Variants in N4BP2 observed in about 807,000 individuals in gnomAD.
The protein encoded by N4BP2 is NEDD4 binding protein 2, also known as NEDD4-binding protein 2.
A neutral mutation model predicts 152.8 loss-of-function variants in N4BP2; 91 were observed. That is an observed-to-expected ratio of 0.60 (90% CI 0.50 to 0.71). The LOEUF (loss-of-function observed/expected upper bound fraction) is 0.71, where lower values mean the gene tolerates loss of function less well. Ranked by LOEUF, N4BP2 falls within the 30% of genes least tolerant of loss-of-function variation. The pLI, the probability that N4BP2 is intolerant of heterozygous loss-of-function variation, is 0.00. For missense variants in N4BP2, 1,923 were observed against 2,059.1 expected, an observed-to-expected ratio of 0.93 and a Z score of 1.28; for synonymous variants, 646 against 705.3, an observed-to-expected ratio of 0.92 and a Z score of 1.33.
chr4:40,134,931 T>TTTATTTTATTTTA (rs1719237509), intron 13 of N4BP2, among the ~76,000 whole-genome samples: 4 of 120,080 alleles, frequency 3.3e-5, no homozygotes, highest in East Asian at 5.2e-4. Context: ...CTTTCTTTCT[T>TTTATTTTATTTTA]TTTTATTTTA....
chr4:40,076,368 C>T (rs906860878), intron 2 of N4BP2, among the ~76,000 whole-genome samples: 5 of 151,790 alleles, frequency 3.3e-5, no homozygotes, highest in South Asian at 2.1e-4. Flanking sequence ...CCCAGCTATT[C>T]GGGAGGCTGA....
chr4:40,091,512 C>T (rs555187156), intron 2 of N4BP2, among the ~76,000 whole-genome samples: 7 of 151,330 alleles, frequency 4.6e-5, no homozygotes, highest in East Asian at 3.9e-4. Context: ...AATTCTTTCA[C>T]GCATTAAAAT....
intron 1 of N4BP2, among the ~76,000 whole-genome samples, chr4:40,061,867 G>C (rs965668967): frequency 6.6e-6 from 1 of 151,872 alleles, no homozygotes; most frequent in African/African-American, 2.4e-5. Context: ...TTTTCGCCAT[G>C]TTGGCCAGGG....
the N4BP2 span, among the ~76,000 whole-genome samples, chr4:40,187,357 A>G: frequency 6.6e-6 from 1 of 152,386 alleles, no homozygotes; most frequent in East Asian, 1.9e-4. Flanking sequence ...TTTGTGCAAA[A>G]AAAAATTTAA....
In N4BP2 at chr4:40,121,630, T is replaced by G; in HGVS notation, c.3519T>G (p.Asn1173Lys). ...AAAGAGGAACTTTAGAGAATTCTAA[T>G]TCTCCTGTGCCAGAGTTTAGCCATG... is the stretch of plus-strand genomic sequence containing the variant. ...ISQRGTLENS[N>K]SPVPEFSHGI... Residue 1173 changes from asparagine to lysine, a missense_variant, in exon 9 of 18, where the codon AAT becomes AAG. Asn to Lys is a moderately conservative substitution (Grantham distance 94). Coordinates refer to ENST00000261435, the MANE Select transcript of N4BP2 (RefSeq NM_018177.6). The G allele has an allele frequency of 6.2e-7, 1 of 1,614,184 alleles. No individual in the cohort carries two copies. Among genetic ancestry groups the G allele is most frequent in the South Asian group, 1.1e-5 (1 of 91,084 alleles).
intron 1 of N4BP2, among the ~76,000 whole-genome samples, chr4:40,069,077 G>A (rs1711869061): frequency 1.3e-5 from 2 of 149,926 alleles, no homozygotes. Flanking sequence ...CCGGGATCGC[G>A]CCACTGCACT....
At chr4:40,168,872 G>A in the N4BP2 span, among the ~76,000 whole-genome samples, 69 of 151,678 alleles carry the variant, frequency 4.5e-4, no homozygotes, top group African/African-American at 1.5e-3. Flanking sequence ...TTACAAGTGC[G>A]CGCCACCACA....
intron 11 of N4BP2, among the ~76,000 whole-genome samples, chr4:40,125,709 A>C (rs1488801900): frequency 6.6e-6 from 1 of 152,082 alleles, no homozygotes; most frequent in Non-Finnish European, 1.5e-5. Context: ...AACATGGTGA[A>C]ACCCCCGTCT....
intron 2 of N4BP2, among the ~76,000 whole-genome samples, chr4:40,093,471 A>G (rs1423393171): frequency 6.7e-6 from 1 of 149,462 alleles, no homozygotes; most frequent in African/African-American, 2.5e-5. Flanking sequence ...CAGTGGCTCG[A>G]TCTTAGCTCA....
intron 3 of N4BP2, among the ~76,000 whole-genome samples, chr4:40,100,504 C>T (rs1357002674): frequency 6.6e-6 from 1 of 151,870 alleles, no homozygotes; most frequent in African/African-American, 2.4e-5. Context: ...ACCTCAGCCT[C>T]CTATGTGGCT....
chr4:40,106,812 TA>T (rs1716345026), intron 4 of N4BP2, 87 bp from the exon 5 acceptor site: 1 of 1,281,832 alleles, frequency 7.8e-7, no homozygotes, highest in African/African-American at 1.5e-5. Context: ...AGTACTTGAA[TA>T]ATTTATTTTG....
At chr4:40,137,159 A>G in intron 14 of N4BP2, 77 bp downstream of exon 14, 1 of 1,135,758 alleles carries the variant, frequency 8.8e-7, no homozygotes, top group South Asian at 2.0e-5. Context: ...TGAGTATAAT[A>G]ATTTAATGAT....
At chr4:40,118,263 C>A (rs1160226481) in intron 8 of N4BP2, among the ~76,000 whole-genome samples, 1 of 152,048 alleles carries the variant, frequency 6.6e-6, no homozygotes, top group Non-Finnish European at 1.5e-5. Context: ...ACTAAAAGTA[C>A]AAAATTAGCC....
At chr4:40,108,186 G>C (rs1450419366) in intron 5 of N4BP2, among the ~76,000 whole-genome samples, 3 of 151,970 alleles carry the variant, frequency 2.0e-5, no homozygotes, top group African/African-American at 7.3e-5. Context: ...TGCCTAACTC[G>C]GCCTCTGAAA....
In N4BP2 at chr4:40,150,949, T is replaced by C. The variant is rs771674263; in HGVS notation, c.5144-1831T>C. 2.6e-5 allele frequency among the ~76,000 whole-genome samples: 4 copies of C among 152,170 alleles called. No individual in the cohort carries two copies. The South Asian group carries it at 6.2e-4, about 24-fold the overall frequency. ...ATTGTAGTTATGCTTTTTAAAGGAG[T>C]CCTTATCTTTTATGAGGTATGTACT... On this transcript the variant is annotated intron_variant, in intron 16 of 17. Transcript: ENST00000261435.
intron 16 of N4BP2, among the ~76,000 whole-genome samples, chr4:40,149,798 G>A (rs914259398): frequency 1.3e-5 from 2 of 151,592 alleles, no homozygotes; most frequent in Admixed American, 6.6e-5. Context: ...TTGGGAGGCT[G>A]AGGCAGGAGA....
intron 12 of N4BP2, among the ~76,000 whole-genome samples, chr4:40,129,872 A>G (rs1018853529): frequency 5.3e-5 from 8 of 152,178 alleles, no homozygotes; most frequent in Admixed American, 3.9e-4. Context: ...GACATAATAT[A>G]TGAATAGAAT....
At chr4:40,084,458 T>TG (rs1415272326) in intron 2 of N4BP2, among the ~76,000 whole-genome samples, 2 of 148,804 alleles carry the variant, frequency 1.3e-5, no homozygotes. Context: ...TCCTCCGAGA[T>TG]GGAGTCTTGG....
At chr4:40,182,491 C>T in the N4BP2 span, among the ~76,000 whole-genome samples, 1 of 152,104 alleles carries the variant, frequency 6.6e-6, no homozygotes, top group African/African-American at 2.4e-5. Flanking sequence ...CACTTTGTCA[C>T]CCAGGCTGGA....
Sources: gnomAD v4.1 joint callset for allele counts (sites outside exome capture counted in the v4.1 genomes callset) on GRCh38, gnomAD v4.1.1 for gene constraint, MANE v1.5 for transcripts, NCBI Gene and HGNC (gene_info 2026-07-23, HGNC 2026-07-21) for gene names.